The following PROM1 variants were observed in gnomAD, a reference collection of about 807,000 sequenced individuals.
The protein encoded by PROM1 is prominin 1, also known as prominin-1.
A neutral mutation model predicts 116.9 loss-of-function variants in PROM1; 105 were observed. The ratio of observed to expected loss-of-function variants is 0.90; its 90% CI spans 0.77 to 1.06. The LOEUF (loss-of-function observed/expected upper bound fraction) is 1.06, where lower values mean the gene tolerates loss of function less well. Among genes scored for constraint, PROM1 ranks in the 50% least tolerant of loss-of-function variants. The pLI, the probability that PROM1 is intolerant of heterozygous loss-of-function variation, is 0.00. For synonymous variants in PROM1, 393 were observed against 387.0 expected, an observed-to-expected ratio of 1.02 and a Z score of -0.18; for missense variants, 1,122 against 1,045.2, an observed-to-expected ratio of 1.07 and a Z score of -1.01.
intron 13 of PROM1, chr4:16,003,153 A>G (rs1724303717): frequency 2.7e-6 from 1 of 373,200 alleles, no homozygotes; most frequent in East Asian, 7.4e-5. Flanking sequence ...AACTTTTGTC[A>G]ACAAATTAGG....
chr4:16,027,005 A>G (rs971240474), intron 5 of PROM1, among the ~76,000 whole-genome samples: 21 of 152,302 alleles, frequency 1.4e-4, no homozygotes, highest in African/African-American at 4.8e-4. Flanking sequence ...GATAAATTAG[A>G]TCCAGTCTAA....
At chr4:16,075,009 A>G (rs1743643893) in intron 2 of PROM1, among the ~76,000 whole-genome samples, 2 of 152,224 alleles carry the variant, frequency 1.3e-5, no homozygotes, top group Admixed American at 6.5e-5. Context: ...CCCACAGGCT[A>G]TTTTTACTTT....
intron 10 of PROM1, among the ~76,000 whole-genome samples, chr4:16,014,059 A>G (rs1273145838): frequency 6.6e-6 from 1 of 152,234 alleles, no homozygotes; most frequent in African/African-American, 2.4e-5. Context: ...TAAACCCCCC[A>G]TGAGAGGGAA....
chr4:16,025,348 C>T, intron 5 of PROM1, 36 bp from the exon 6 acceptor site: 7 of 1,610,838 alleles, frequency 4.3e-6, no homozygotes, highest in Non-Finnish European at 5.9e-6. Context: ...AGAGCATTTA[C>T]TGTGTGGTCC....
chr4:16,071,112 A>T (rs766416932), intron 2 of PROM1, among the ~76,000 whole-genome samples: 1 of 152,084 alleles, frequency 6.6e-6, no homozygotes, highest in Non-Finnish European at 1.5e-5. Flanking sequence ...CTTTTGTTTC[A>T]TTTTGAATTC....
chr4:16,007,878 G>A (rs771584041), intron 12 of PROM1, among the ~76,000 whole-genome samples: 5 of 152,176 alleles, frequency 3.3e-5, no homozygotes, highest in Admixed American at 6.5e-5. Context: ...CCTGGAGCTC[G>A]TTGTTTGTGG....
rs1276919279 is a variant in PROM1, at chr4:16,033,529, A to C, written c.304-20T>G. The stretch of plus-strand genomic sequence containing the variant: ...GACAATCTGCAATTCAAACAAAAGA[A>C]ACAGCACATATTGTAGCACAAAATA... On this transcript the variant is annotated intron_variant, in intron 4 of 27. Coordinates refer to ENST00000447510, the MANE Select transcript of PROM1 (RefSeq NM_006017.3). The C allele has an allele frequency of 6.5e-7, 1 of 1,546,226 alleles. No individual in the cohort carries two copies. Among genetic ancestry groups the C allele is most frequent in the Non-Finnish European group, 8.8e-7 (1 of 1,134,232 alleles).
At chr4:16,062,250 G>A (rs1040031610) in intron 2 of PROM1, among the ~76,000 whole-genome samples, 1 of 152,080 alleles carries the variant, frequency 6.6e-6, no homozygotes, top group Non-Finnish European at 1.5e-5. Context: ...GCCTACCCCT[G>A]TATGACCTAA....
chr4:16,033,084 T>A (rs938430133), intron 5 of PROM1, among the ~76,000 whole-genome samples: 1 of 149,304 alleles, frequency 6.7e-6, no homozygotes, highest in Non-Finnish European at 1.5e-5. Flanking sequence ...GCTCATCAGC[T>A]CAGCTGGGGC....
chr4:16,018,208 G>T, intron 9 of PROM1, 115 bp downstream of exon 9: 1 of 928,688 alleles, frequency 1.1e-6, no homozygotes, highest in Non-Finnish European at 1.7e-6. Flanking sequence ...AGAGGCCAGG[G>T]GCTAACTGTT....
At chr4:16,039,110 A>G (rs1160321465) in intron 2 of PROM1, 109 bp from the exon 3 acceptor site, 8 of 854,014 alleles carry the variant, frequency 9.4e-6, no homozygotes, top group Non-Finnish European at 1.3e-5. Context: ...CTATATTTCT[A>G]TTATTCTTAT....
At chr4:15,979,927 ATAAAAT>A (rs1294337691) in intron 24 of PROM1, 23 bp from the exon 25 acceptor site, 1 of 1,324,004 alleles carries the variant, frequency 7.6e-7, no homozygotes, top group Non-Finnish European at 1.0e-6. Flanking sequence ...AAAAAGGGAG[ATAAAAT>A]TAATTTTTTT....
At chr4:16,058,647 C>CG (rs1560589902) in intron 2 of PROM1, among the ~76,000 whole-genome samples, 2 of 143,954 alleles carry the variant, frequency 1.4e-5, no homozygotes, top group African/African-American at 5.3e-5. Flanking sequence ...ACTCCATCTC[C>CG]GGGAAAAAAA....
Position 16,016,133 on chromosome 4 carries a change from A to G in PROM1, c.1077+33T>C, listed in dbSNP as rs539781382. ...CTAGTCCACCCTTTAAAATGATATA[A>G]AATCAGTGATTGTATTTTTTCCAAA... On this transcript the variant is annotated intron_variant, in intron 10 of 27. Transcript: ENST00000447510. 22 of 1,500,250 alleles carry G rather than the reference A, an allele frequency of 1.5e-5. 1 individual carries two copies. In the South Asian group the frequency reaches 2.7e-4, roughly 18 times the overall value. The allele number at this position is 1,500,250 out of a possible 1,614,324, so 92.9% of individuals were successfully genotyped here.
intron 1 of PROM1, chr4:16,079,860 C>CA (rs886837906): frequency 5.3e-5 from 8 of 151,824 alleles, no homozygotes; most frequent in Non-Finnish European, 1.2e-4. Flanking sequence ...GAAAGCTCCC[C>CA]AAATGCCCTT....
intron 16 of PROM1, among the ~76,000 whole-genome samples, chr4:15,992,682 C>G (rs1188476617): frequency 6.6e-6 from 1 of 152,186 alleles, no homozygotes; most frequent in African/African-American, 2.4e-5. Context: ...AAGCACTTGA[C>G]TGGCATCTCT....
Position 16,018,401 on chromosome 4 carries a change from C to G in PROM1, c.924G>C (p.Leu308Phe). The G allele has an allele frequency of 1.2e-6, 2 of 1,613,846 alleles. No homozygotes were observed. Among genetic ancestry groups the G allele is most frequent in the South Asian group, 2.2e-5 (2 of 91,070 alleles). Reference protein sequence around the residue: ...LRSSLNDPLCLVHPSSETCNS... With the variant: ...LRSSLNDPLCFVHPSSETCNS... ...TGCAGGTTTCACTTGATGGATGCACCAAGCACAGAGGGTCATTGAGAGATG... is the reference window on the plus strand; with the variant it reads ...TGCAGGTTTCACTTGATGGATGCACGAAGCACAGAGGGTCATTGAGAGATG... The change falls in exon 9 of 28, where the codon TTG (leucine) becomes TTC (phenylalanine). Residue 308 changes from leucine to phenylalanine, a missense_variant. Physicochemically the swap from Leu to Phe is conservative, Grantham distance 22. Transcript: ENST00000447510.
chr4:16,030,570 C>T (rs11723911), intron 5 of PROM1, among the ~76,000 whole-genome samples: 61,495 of 151,970 alleles, frequency 0.4, 15,152 homozygotes, highest in Non-Finnish European at 0.56. Context: ...ATTAACAAAA[C>T]GGTAGCTTTC....
intron 2 of PROM1, among the ~76,000 whole-genome samples, chr4:16,073,361 T>C (rs767153911): frequency 9.2e-5 from 14 of 152,198 alleles, no homozygotes; most frequent in South Asian, 4.1e-4. Flanking sequence ...GTTTTTTGCA[T>C]CTTCAATTAT....
Sources: allele counts gnomAD v4.1 joint callset (sites outside exome capture counted in the v4.1 genomes callset), GRCh38; gene constraint gnomAD v4.1.1; transcripts MANE v1.5; gene names NCBI Gene and HGNC (gene_info 2026-07-23, HGNC 2026-07-21).